The following DHX36 variants were observed in gnomAD, a reference collection of about 807,000 sequenced individuals.
The protein encoded by DHX36 is ATP-dependent DNA/RNA helicase DHX36.
A neutral mutation model predicts 139.0 loss-of-function variants in DHX36; 50 were observed. The observed-to-expected ratio is 0.36, with a 90% CI of 0.29 to 0.46. The LOEUF (loss-of-function observed/expected upper bound fraction) is 0.46, where lower values mean the gene tolerates loss of function less well. Among genes scored for constraint, DHX36 ranks in the 20% least tolerant of loss-of-function variants. The pLI is 1.00. For synonymous variants in DHX36, 425 were observed against 401.9 expected, an observed-to-expected ratio of 1.06 and a Z score of -0.69; for missense variants, 1,024 against 1,211.3, an observed-to-expected ratio of 0.85 and a Z score of 2.29.
intron 23 of DHX36, 92 bp from the exon 24 acceptor site, chr3:154,276,991 T>A: frequency 9.2e-7 from 1 of 1,086,426 alleles, no homozygotes; most frequent in Non-Finnish European, 1.3e-6. Flanking sequence ...AATTAATGAG[T>A]ATCTTCCTTC....
chr3:154,299,490 C>G (rs557880830), intron 12 of DHX36, among the ~76,000 whole-genome samples: 1 of 152,160 alleles, frequency 6.6e-6, no homozygotes, highest in African/African-American at 2.4e-5. Context: ...AGGTCGCATT[C>G]TTAGATTTGG....
At chr3:154,313,506 C>A (rs1027671437) in intron 3 of DHX36, among the ~76,000 whole-genome samples, 1 of 152,016 alleles carries the variant, frequency 6.6e-6, no homozygotes, top group Non-Finnish European at 1.5e-5. Flanking sequence ...AAAGCAAAAC[C>A]CTGTCTCTAC....
intron 3 of DHX36, among the ~76,000 whole-genome samples, chr3:154,313,473 A>G (rs1712847832): frequency 6.6e-6 from 1 of 152,130 alleles, no homozygotes; most frequent in Non-Finnish European, 1.5e-5. Context: ...TGAGCCCAGG[A>G]GTTCAAGACC....
At chr3:154,277,130 C>A (rs1719174617) in intron 23 of DHX36, among the ~76,000 whole-genome samples, 1 of 152,104 alleles carries the variant, frequency 6.6e-6, no homozygotes, top group South Asian at 2.1e-4. Context: ...CTACTCTGAA[C>A]AAAATATTTT....
At chr3:154,306,401 A>G in intron 5 of DHX36, 106 bp from the exon 6 acceptor site, 2 of 856,598 alleles carry the variant, frequency 2.3e-6, no homozygotes, top group South Asian at 3.1e-5. Flanking sequence ...TCAGATTTCT[A>G]AATGAGTTAA....
At chr3:154,299,775 T>C (rs762484999) in intron 12 of DHX36, 63 bp downstream of exon 12, 3 of 1,234,122 alleles carry the variant, frequency 2.4e-6, no homozygotes. Context: ...AAGAAAAAAA[T>C]ACACATCATA....
At chr3:154,317,535 G>A (rs1247422594) in intron 1 of DHX36, among the ~76,000 whole-genome samples, 5 of 151,932 alleles carry the variant, frequency 3.3e-5, no homozygotes, top group Admixed American at 6.6e-5. Context: ...GTAATCAAGA[G>A]AACAAACAAA....
chr3:154,313,216 G>A (rs1712839216), intron 3 of DHX36, among the ~76,000 whole-genome samples: 1 of 151,816 alleles, frequency 6.6e-6, no homozygotes, highest in Admixed American at 6.6e-5. Context: ...GGCATTAATC[G>A]TATTTGCTTT....
chr3:154,310,842 T>C (rs1449018744), intron 4 of DHX36, among the ~76,000 whole-genome samples: 2 of 92,192 alleles, frequency 2.2e-5, no homozygotes, highest in East Asian at 3.5e-4. Flanking sequence ...TATATATATA[T>C]ATATATATAT....
chr3:154,284,561 G>A (rs866934529), intron 19 of DHX36, 22 bp downstream of exon 19: 4 of 1,533,970 alleles, frequency 2.6e-6, no homozygotes, highest in East Asian at 2.2e-5. Flanking sequence ...TCATAATCCA[G>A]GACAAAATTT....
At chr3:154,316,274 A>G in intron 1 of DHX36, 111 bp from the exon 2 acceptor site, 1 of 1,401,356 alleles carries the variant, frequency 7.1e-7, no homozygotes, top group Non-Finnish European at 9.7e-7. Flanking sequence ...ACAAATACAT[A>G]TAAAAGAAAG....
Position 154,292,679 on chromosome 3 carries a change from A to G in DHX36, c.1686T>C (p.Asp562=). The G allele has an allele frequency of 6.2e-7, 1 of 1,613,780 alleles. No individual in the cohort carries two copies. Residue 562 remains aspartate, a synonymous_variant, in exon 15 of 25, where the codon GAT becomes GAC. Transcript: ENST00000496811. ...NIAETSITID[D]VVYVIDGGKI... ...TTCCTCCATCTATCACATAAACGAC[A>G]TCATCTATGGTAATGCTGTTTGGAA...
intron 18 of DHX36, 55 bp from the exon 19 acceptor site, chr3:154,284,724 T>C (rs1025202627): frequency 6.3e-7 from 1 of 1,593,326 alleles, no homozygotes; most frequent in Non-Finnish European, 8.6e-7. Flanking sequence ...TAATGGAGAA[T>C]GACATTCTAA....
At chr3:154,324,137 G>A (rs1576888308) in intron 1 of DHX36, 37 bp downstream of exon 1, 1 of 1,567,916 alleles carries the variant, frequency 6.4e-7, no homozygotes, top group Non-Finnish European at 8.7e-7. Context: ...GAAAACCTGT[G>A]CTGCCTCATC....
intron 1 of DHX36, among the ~76,000 whole-genome samples, chr3:154,316,645 T>C (rs1712994792): frequency 6.6e-6 from 1 of 151,970 alleles, no homozygotes. Context: ...AAGGAGTAAA[T>C]AAAATTCATC....
intron 22 of DHX36, chr3:154,280,203 A>G: frequency 6.0e-6 from 1 of 166,852 alleles, no homozygotes; most frequent in South Asian, 1.8e-4. Context: ...TGAAATCACA[A>G]TGTTATTCAA....
chr3:154,308,328 T>C (rs1712590373), intron 5 of DHX36, among the ~76,000 whole-genome samples: 1 of 152,204 alleles, frequency 6.6e-6, no homozygotes, highest in Non-Finnish European at 1.5e-5. Flanking sequence ...TCATAATTGG[T>C]AATGTTTTTA....
At chr3:154,290,701 A>G (rs1197849835) in intron 15 of DHX36, among the ~76,000 whole-genome samples, 1 of 151,830 alleles carries the variant, frequency 6.6e-6, no homozygotes, top group Non-Finnish European at 1.5e-5. Context: ...AGTAGAAGAG[A>G]TATTTCTTTA....
At chr3:154,320,097 C>G (rs866655082) in intron 1 of DHX36, among the ~76,000 whole-genome samples, 1 of 152,184 alleles carries the variant, frequency 6.6e-6, no homozygotes, top group South Asian at 2.1e-4. Flanking sequence ...TCTGCTCTTA[C>G]ATCATTTGTG....
Sources: allele counts gnomAD v4.1 joint callset (sites outside exome capture counted in the v4.1 genomes callset), GRCh38; gene constraint gnomAD v4.1.1; transcripts MANE v1.5; gene names NCBI Gene and HGNC (gene_info 2026-07-23, HGNC 2026-07-21).